PCDH15: variants seen among roughly 807,000 people sequenced by gnomAD.
PCDH15 encodes protocadherin-15.
PCDH15 carries 129 observed loss-of-function variants against 178.5 expected under a neutral mutation model. That is an observed-to-expected ratio of 0.72 (90% CI 0.63 to 0.84). The LOEUF (loss-of-function observed/expected upper bound fraction) is 0.84. PCDH15 is among the 40% of genes least tolerant of loss of function. PCDH15 has a pLI of 0.00. For missense variants in PCDH15, 2,230 were observed against 2,099.9 expected, an observed-to-expected ratio of 1.06 and a Z score of -1.21; for synonymous variants, 800 against 732.0, an observed-to-expected ratio of 1.09 and a Z score of -1.50.
chr10:55,287,334 A>G (rs1842898412), intron 1 of PCDH15, among the ~76,000 whole-genome samples: 1 of 152,072 alleles, frequency 6.6e-6, no homozygotes, highest in African/African-American at 2.4e-5. Context: ...TATGCCTAAC[A>G]TTTAATAAGC....
chr10:55,338,394 C>A (rs932030456), intron 2 of PCDH15, among the ~76,000 whole-genome samples: 37 of 152,170 alleles, frequency 2.4e-4, no homozygotes, highest in African/African-American at 8.7e-4. Context: ...ATGGAATCAA[C>A]TGAATTGTCT....
intron 2 of PCDH15, among the ~76,000 whole-genome samples, chr10:54,549,641 G>C (rs1332775666): frequency 2.0e-5 from 3 of 151,494 alleles, no homozygotes. Flanking sequence ...AGTAGTAGTA[G>C]TATCAAACCT....
At chr10:54,851,255 C>T (rs543141779) in intron 3 of PCDH15, among the ~76,000 whole-genome samples, 2 of 151,560 alleles carry the variant, frequency 1.3e-5, no homozygotes, top group African/African-American at 4.8e-5. Flanking sequence ...CTACTATGTA[C>T]CCACAAAAAT....
intron 18 of PCDH15, among the ~76,000 whole-genome samples, chr10:54,059,725 A>C (rs1386594928): frequency 6.6e-6 from 1 of 152,200 alleles, no homozygotes; most frequent in Non-Finnish European, 1.5e-5. Flanking sequence ...TTTGATAGCC[A>C]CCTAACGCAT....
intron 1 of PCDH15, among the ~76,000 whole-genome samples, chr10:55,207,821 T>C (rs369914600): frequency 3.3e-5 from 5 of 151,896 alleles, no homozygotes; most frequent in Admixed American, 2.6e-4. Context: ...ACAAAAAAAT[T>C]AGCTGGGCGT....
At chr10:55,116,818 G>A (rs1372714216) in intron 2 of PCDH15, among the ~76,000 whole-genome samples, 1 of 152,060 alleles carries the variant, frequency 6.6e-6, no homozygotes, top group African/African-American at 2.4e-5. Flanking sequence ...AGAATTAACT[G>A]GCTTTCCTCT....
intron 3 of PCDH15, among the ~76,000 whole-genome samples, chr10:54,421,713 A>G (rs1485076152): frequency 1.6e-5 from 2 of 126,108 alleles, no homozygotes; most frequent in East Asian, 4.1e-4. Context: ...CACACACACT[A>G]TATATATTTT....
chr10:54,173,491 G>A (rs781317369), intron 13 of PCDH15, among the ~76,000 whole-genome samples: 2 of 151,612 alleles, frequency 1.3e-5, no homozygotes, highest in Non-Finnish European at 2.9e-5. Context: ...TACGTTATAG[G>A]GATACTAATA....
At chr10:55,173,307 T>TTGTGTGTGTGTGTGTGTGTG (rs778106530) in intron 1 of PCDH15, among the ~76,000 whole-genome samples, 2 of 64,096 alleles carry the variant, frequency 3.1e-5, no homozygotes, top group African/African-American at 9.7e-5. Flanking sequence ...ATTAGAAAGA[T>TTGTGTGTGTGTGTGTGTGTG]TATGTGTGTG....
chr10:54,726,419 GGTGTGTGT>G (rs72051103), intron 1 of PCDH15, among the ~76,000 whole-genome samples: 34 of 19,522 alleles, frequency 1.7e-3, no homozygotes, highest in African/African-American at 3.4e-3. Context: ...ACCCATCAGG[GGTGTGTGT>G]GTGTGTGTGT....
chr10:55,477,300 C>T (rs887271704), intron 2 of PCDH15, among the ~76,000 whole-genome samples: 2 of 151,788 alleles, frequency 1.3e-5, no homozygotes, highest in African/African-American at 2.4e-5. Context: ...GGCTTCCTTT[C>T]AGTGTGACTC....
At chr10:55,447,335 T>A (rs1039284656) in intron 2 of PCDH15, among the ~76,000 whole-genome samples, 1 of 152,024 alleles carries the variant, frequency 6.6e-6, no homozygotes, top group African/African-American at 2.4e-5. Context: ...GAATTCTATA[T>A]CCAGGCAATT....
chr10:55,358,620 C>T (rs1845138773), intron 2 of PCDH15, among the ~76,000 whole-genome samples: 1 of 152,028 alleles, frequency 6.6e-6, no homozygotes, highest in South Asian at 2.1e-4. Context: ...CACATTCCAA[C>T]TCTTATCTTG....
intron 35 of PCDH15, among the ~76,000 whole-genome samples, chr10:53,815,832 C>A (rs1032600080): frequency 6.6e-6 from 1 of 152,070 alleles, no homozygotes; most frequent in Non-Finnish European, 1.5e-5. Context: ...TTTTGAATCA[C>A]ATAAAATGAT....
chr10:54,732,594 G>T (rs544155784), intron 1 of PCDH15, among the ~76,000 whole-genome samples: 1 of 151,472 alleles, frequency 6.6e-6, no homozygotes, highest in East Asian at 1.9e-4. Context: ...ACTCACTGGG[G>T]AATTCCACTA....
intron 8 of PCDH15, among the ~76,000 whole-genome samples, chr10:54,239,974 T>C (rs1206883248): frequency 6.6e-6 from 1 of 152,118 alleles, no homozygotes; most frequent in Non-Finnish European, 1.5e-5. Context: ...AAAATTATGA[T>C]TTTTAGGATG....
intron 8 of PCDH15, among the ~76,000 whole-genome samples, chr10:54,306,248 C>G (rs762600792): frequency 2.6e-5 from 4 of 151,972 alleles, no homozygotes; most frequent in Non-Finnish European, 5.9e-5. Context: ...ATGACCTTTT[C>G]TATTAGACAC....
At chr10:55,561,653 C>T (rs542122418) in intron 2 of PCDH15, among the ~76,000 whole-genome samples, 4 of 151,832 alleles carry the variant, frequency 2.6e-5, no homozygotes, top group African/African-American at 9.6e-5. Context: ...TGCCTTAAGA[C>T]AAACATCTTA....
At chr10:54,362,016 A>G (rs1946124226) in intron 5 of PCDH15, among the ~76,000 whole-genome samples, 1 of 152,070 alleles carries the variant, frequency 6.6e-6, no homozygotes, top group Non-Finnish European at 1.5e-5. Flanking sequence ...TCATCTGTAA[A>G]ATGAAAACAA....
Sources: gnomAD v4.1 joint callset for allele counts (sites outside exome capture counted in the v4.1 genomes callset) on GRCh38, gnomAD v4.1.1 for gene constraint, MANE v1.5 for transcripts, NCBI Gene and HGNC (gene_info 2026-07-23, HGNC 2026-07-21) for gene names.